DLG2: variants seen among roughly 807,000 people sequenced by gnomAD.
DLG2 encodes disks large homolog 2.
DLG2 carries 45 observed loss-of-function variants against 132.5 expected under a neutral mutation model. The ratio of observed to expected loss-of-function variants is 0.34; its 90% CI spans 0.27 to 0.44. The LOEUF (loss-of-function observed/expected upper bound fraction) is 0.44, where lower values mean the gene tolerates loss of function less well. Among genes scored for constraint, DLG2 ranks in the 20% least tolerant of loss-of-function variants. The pLI is 1.00. For synonymous variants in DLG2, 424 were observed against 419.6 expected, an observed-to-expected ratio of 1.01 and a Z score of -0.13; for missense variants, 1,045 against 1,196.9, an observed-to-expected ratio of 0.87 and a Z score of 1.87.
intron 19 of DLG2, among the ~76,000 whole-genome samples, chr11:83,567,174 A>G (rs2096723130): frequency 6.6e-6 from 1 of 152,200 alleles, no homozygotes; most frequent in South Asian, 2.1e-4. Flanking sequence ...GACAAAGCTC[A>G]GCATTCTCAA....
intron 19 of DLG2, among the ~76,000 whole-genome samples, chr11:83,614,714 T>G (rs1054945056): frequency 6.6e-6 from 1 of 152,158 alleles, no homozygotes; most frequent in Admixed American, 6.5e-5. Context: ...AGCAAGACCC[T>G]GTCTCAACAA....
rs116660431 is a variant in DLG2, at chr11:85,332,232, G to T, written c.41-46867C>A. 2.2e-3 allele frequency among the ~76,000 whole-genome samples: 331 copies of T among 152,190 alleles called. 1 individual carries two copies. The highest frequency in any genetic ancestry group is 7.7e-3 in the African/African-American group (321 of 41,538). On this transcript the variant is annotated intron_variant, in intron 3 of 27. Transcript: ENST00000376104. The stretch of plus-strand genomic sequence containing the variant: ...TCATGATTAGTGATAATAAACATTT[G>T]TTCATGTGTTTGTTGTCCATAAGTA...
At chr11:85,274,197 T>C (rs1485943399) in intron 4 of DLG2, among the ~76,000 whole-genome samples, 1 of 152,192 alleles carries the variant, frequency 6.6e-6, no homozygotes, top group East Asian at 1.9e-4. Context: ...GGCACATGTA[T>C]ACATATGTAA....
At chr11:85,213,017 T>A (rs1423059389) in intron 4 of DLG2, among the ~76,000 whole-genome samples, 1 of 152,116 alleles carries the variant, frequency 6.6e-6, no homozygotes, top group Admixed American at 6.6e-5. Flanking sequence ...CTCCCTTATT[T>A]CTTTACTGTC....
chr11:84,522,567 G>T (rs1270230950), intron 7 of DLG2, among the ~76,000 whole-genome samples: 1 of 152,178 alleles, frequency 6.6e-6, no homozygotes, highest in Non-Finnish European at 1.5e-5. Context: ...GAGTCAGCTG[G>T]ACTGGAAGAA....
chr11:84,692,578 C>G (rs1318093015), intron 6 of DLG2, among the ~76,000 whole-genome samples: 3 of 151,576 alleles, frequency 2.0e-5, no homozygotes, highest in Non-Finnish European at 4.4e-5. Context: ...CTTTATGGCC[C>G]AGGTCAATTG....
intron 18 of DLG2, among the ~76,000 whole-genome samples, chr11:83,781,382 AT>A (rs2094820977): frequency 6.6e-6 from 1 of 152,206 alleles, no homozygotes; most frequent in African/African-American, 2.4e-5. Context: ...CAGAAAAAAA[AT>A]ACCTATTGAT....
intron 19 of DLG2, among the ~76,000 whole-genome samples, chr11:83,587,681 C>T (rs924815109): frequency 1.1e-4 from 16 of 152,294 alleles, no homozygotes; most frequent in East Asian, 3.9e-4. Context: ...CAGCTCCCAG[C>T]GTGAGCTACG....
At chr11:85,200,590 A>C (rs2081388617) in intron 4 of DLG2, among the ~76,000 whole-genome samples, 1 of 151,664 alleles carries the variant, frequency 6.6e-6, no homozygotes, top group Admixed American at 6.6e-5. Context: ...CTGGGAGATG[A>C]ATATTTCTCT....
chr11:85,621,002 G>A (rs1400391021), intron 2 of DLG2, among the ~76,000 whole-genome samples: 4 of 152,220 alleles, frequency 2.6e-5, no homozygotes, highest in South Asian at 2.1e-4. Context: ...ACAGGCTGAC[G>A]CTTCTTAGAG....
At chr11:83,960,952 G>C (rs1254684383) in intron 14 of DLG2, among the ~76,000 whole-genome samples, 2 of 151,962 alleles carry the variant, frequency 1.3e-5, no homozygotes, top group Admixed American at 1.3e-4. Context: ...GGAAATACTA[G>C]TGAGACTGTC....
At chr11:84,838,402 G>GA (rs5793141) in intron 6 of DLG2, among the ~76,000 whole-genome samples, 124,469 of 148,820 alleles carry the variant, frequency 0.84, 52,927 homozygotes, top group Middle Eastern at 0.97. Flanking sequence ...TTGAATGACT[G>GA]AAAAAAAAAA....
At chr11:84,339,470 T>G (rs767226555) in intron 7 of DLG2, among the ~76,000 whole-genome samples, 4 of 152,238 alleles carry the variant, frequency 2.6e-5, no homozygotes, top group Non-Finnish European at 4.4e-5. Context: ...TTGGTATTTG[T>G]TCATCTATTT....
At chr11:84,801,453 C>A (rs2075366970) in intron 6 of DLG2, among the ~76,000 whole-genome samples, 1 of 152,120 alleles carries the variant, frequency 6.6e-6, no homozygotes, top group African/African-American at 2.4e-5. Flanking sequence ...CGCCTGTAGT[C>A]CCAGCTACGC....
intron 3 of DLG2, among the ~76,000 whole-genome samples, chr11:85,395,010 T>G (rs976292718): frequency 1.3e-5 from 2 of 152,208 alleles, no homozygotes; most frequent in African/African-American, 2.4e-5. Context: ...ACCAGAGATC[T>G]ACCTGTCTTG....
At chr11:83,565,449 A>T (rs781171000) in intron 19 of DLG2, among the ~76,000 whole-genome samples, 8 of 152,230 alleles carry the variant, frequency 5.3e-5, no homozygotes, top group Non-Finnish European at 1.2e-4. Context: ...GTGCAGTTTT[A>T]AAACGTCAGT....
At chr11:85,041,002 C>G (rs766406410) in intron 6 of DLG2, among the ~76,000 whole-genome samples, 9 of 151,896 alleles carry the variant, frequency 5.9e-5, no homozygotes, top group Non-Finnish European at 1.2e-4. Flanking sequence ...CATTATATTG[C>G]CTCTCAACTT....
intron 6 of DLG2, among the ~76,000 whole-genome samples, chr11:84,733,305 G>T (rs1256102189): frequency 2.0e-5 from 3 of 152,116 alleles, no homozygotes; most frequent in African/African-American, 4.8e-5. Context: ...AGCACCTGTT[G>T]TTTCCTGACT....
chr11:84,490,886 C>CTTGTGTGTGTGT (rs1555622910), intron 7 of DLG2, among the ~76,000 whole-genome samples: 1 of 147,846 alleles, frequency 6.8e-6, no homozygotes, highest in African/African-American at 2.5e-5. Flanking sequence ...TGAATGGTTG[C>CTTGTGTGTGTGT]GTGTGTGTGT....
Sources: allele counts gnomAD v4.1 joint callset (sites outside exome capture counted in the v4.1 genomes callset), GRCh38; gene constraint gnomAD v4.1.1; transcripts MANE v1.5; gene names NCBI Gene and HGNC (gene_info 2026-07-23, HGNC 2026-07-21).